Variants in TOX observed in about 807,000 individuals in gnomAD.
TOX encodes thymocyte selection associated high mobility group box, also known as thymocyte selection-associated high mobility group box protein TOX.
TOX carries 11 observed loss-of-function variants against 53.7 expected under a neutral mutation model. That is an observed-to-expected ratio of 0.20 (90% confidence interval 0.13 to 0.34). The LOEUF is 0.34. Ranked by LOEUF, TOX falls within the 10% of genes least tolerant of loss-of-function variation. TOX has a pLI of 1.00. For synonymous variants in TOX, 225 were observed against 245.3 expected (o/e 0.92, Z 0.77); for missense variants, 570 against 664.6 (o/e 0.86, Z 1.56).
intron 1 of TOX, 41 bp from the exon 2 acceptor site, chr8:58,960,049 G>A (rs977910565): frequency 1.2e-6 from 2 of 1,602,320 alleles, no homozygotes; most frequent in Non-Finnish European, 8.5e-7. Flanking sequence ...AATCTTGACT[G>A]CGGGTATGTT....
intron 1 of TOX, among the ~76,000 whole-genome samples, chr8:59,038,874 C>G (rs544706649): frequency 8.2e-4 from 125 of 152,370 alleles, no homozygotes; most frequent in African/African-American, 2.8e-3. Flanking sequence ...CAAAAAGGGA[C>G]AGCGTCCTGC....
At chr8:59,055,082 C>T (rs1201270494) in intron 1 of TOX, among the ~76,000 whole-genome samples, 1 of 152,074 alleles carries the variant, frequency 6.6e-6, no homozygotes, top group Non-Finnish European at 1.5e-5. Context: ...TTTCCAAGGA[C>T]TTTTCTGGGA....
chr8:58,903,803 T>C (rs542815842), intron 3 of TOX, among the ~76,000 whole-genome samples: 1 of 152,276 alleles, frequency 6.6e-6, no homozygotes, highest in Admixed American at 6.5e-5. Context: ...TTATGTGGGC[T>C]TAGAGATATT....
rs1809965738 is a variant in TOX at position 58,805,867 on chromosome 8, G to A, written c.*1880C>T. ...TTATTACATGCTCAAGTGATTCAAG[G>A]TTGTACAATGCCTAAAATCATTCCA... On this transcript the variant is annotated 3_prime_UTR_variant, in exon 9 of 9. Coordinates refer to ENST00000361421, the MANE Select transcript of TOX (RefSeq NM_014729.3). 6.6e-6 allele frequency: 1 copy of A among 152,598 alleles called. No individual in the cohort carries two copies. The highest frequency in any genetic ancestry group is 2.4e-5 in the African/African-American group (1 of 41,422). 9.5% of individuals were successfully genotyped at this position (152,598 alleles called of 1,614,324 possible).
chr8:59,065,012 T>C (rs971051070), intron 1 of TOX, among the ~76,000 whole-genome samples: 1 of 152,110 alleles, frequency 6.6e-6, no homozygotes, highest in African/African-American at 2.4e-5. Flanking sequence ...TTTAACCTAC[T>C]TACATGAAAA....
chr8:59,054,000 T>C (rs1803840572), intron 1 of TOX, among the ~76,000 whole-genome samples: 1 of 152,134 alleles, frequency 6.6e-6, no homozygotes, highest in Admixed American at 6.5e-5. Context: ...TTTAACTATA[T>C]TGGAAAAAAA....
chr8:58,963,331 A>ATAGG (rs1554533770), intron 1 of TOX, among the ~76,000 whole-genome samples: 8 of 145,912 alleles, frequency 5.5e-5, no homozygotes, highest in Non-Finnish European at 9.3e-5. Context: ...AGATAGATAG[A>ATAGG]TAGATAGATA....
intron 1 of TOX, among the ~76,000 whole-genome samples, chr8:58,976,121 GA>G (rs1813095647): frequency 6.6e-6 from 1 of 151,958 alleles, no homozygotes; most frequent in Non-Finnish European, 1.5e-5. Context: ...TTTCTTCCAT[GA>G]AAGATTTCTC....
chr8:58,812,797 T>C (rs1024156268), intron 7 of TOX, among the ~76,000 whole-genome samples: 1 of 152,230 alleles, frequency 6.6e-6, no homozygotes, highest in Admixed American at 6.5e-5. Context: ...CAATTAAAAT[T>C]TTTCGAATCA....
chr8:58,962,183 C>T (rs1380034333), intron 1 of TOX, among the ~76,000 whole-genome samples: 1 of 152,194 alleles, frequency 6.6e-6, no homozygotes, highest in African/African-American at 2.4e-5. Flanking sequence ...AACATGTACG[C>T]TAATTGAGTA....
At chr8:58,956,454 T>C (rs1410224270) in intron 2 of TOX, among the ~76,000 whole-genome samples, 115 of 152,176 alleles carry the variant, frequency 7.6e-4, no homozygotes, top group Non-Finnish European at 5.9e-5. Context: ...ATTTAGGGTG[T>C]ACAACATGTT....
At chr8:58,822,625 T>C (rs1283786780) in intron 6 of TOX, among the ~76,000 whole-genome samples, 1 of 152,188 alleles carries the variant, frequency 6.6e-6, no homozygotes, top group Non-Finnish European at 1.5e-5. Flanking sequence ...GGTCTCAGCC[T>C]CTGTTGGTAG....
At chr8:58,831,486 A>T (rs1810453702) in intron 5 of TOX, among the ~76,000 whole-genome samples, 1 of 152,214 alleles carries the variant, frequency 6.6e-6, no homozygotes, top group Non-Finnish European at 1.5e-5. Flanking sequence ...TGAATATGGG[A>T]TAATCCCCGT....
At chr8:58,957,492 GC>G (rs1812730783) in intron 2 of TOX, among the ~76,000 whole-genome samples, 1 of 152,200 alleles carries the variant, frequency 6.6e-6, no homozygotes, top group Admixed American at 6.5e-5. Context: ...AGTAGATAGT[GC>G]CAAAGAGCCC....
intron 3 of TOX, among the ~76,000 whole-genome samples, chr8:58,911,429 ATGTATG>A (rs1331706958): frequency 6.6e-6 from 1 of 152,204 alleles, no homozygotes; most frequent in African/African-American, 2.4e-5. Context: ...TTATATGTAT[ATGTATG>A]TATATATGCA....
intron 1 of TOX, among the ~76,000 whole-genome samples, chr8:59,116,950 T>G (rs1242169256): frequency 6.6e-6 from 1 of 152,232 alleles, no homozygotes; most frequent in Non-Finnish European, 1.5e-5. Context: ...TGGAAAATGA[T>G]TTAATATATT....
At chr8:58,854,141 C>A (rs914188251) in intron 3 of TOX, among the ~76,000 whole-genome samples, 1 of 152,154 alleles carries the variant, frequency 6.6e-6, no homozygotes, top group African/African-American at 2.4e-5. Context: ...AAATGAAAAG[C>A]ATTTAGTAGC....
chr8:58,938,738 G>A (rs1341961982), intron 3 of TOX, among the ~76,000 whole-genome samples: 1 of 152,150 alleles, frequency 6.6e-6, no homozygotes, highest in East Asian at 1.9e-4. Flanking sequence ...AATTCATAGT[G>A]TTGTCATTAT....
At chr8:58,910,628 A>G (rs112702465) in intron 3 of TOX, among the ~76,000 whole-genome samples, 3 of 152,314 alleles carry the variant, frequency 2.0e-5, no homozygotes, top group African/African-American at 7.2e-5. Flanking sequence ...TGAAAGTTTA[A>G]AGTAAGTGAA....
Sources: allele counts gnomAD v4.1 joint callset (sites outside exome capture counted in the v4.1 genomes callset), GRCh38; gene constraint gnomAD v4.1.1; transcripts MANE v1.5; gene names NCBI Gene and HGNC (gene_info 2026-07-23, HGNC 2026-07-21).